The following PIGN variants were observed in gnomAD, a reference collection of about 807,000 sequenced individuals.
PIGN encodes the protein phosphatidylinositol glycan anchor biosynthesis class N.
A neutral mutation model predicts 125.4 loss-of-function variants in PIGN; 117 were observed. That is an observed-to-expected ratio of 0.93 (90% CI 0.80 to 1.09). The LOEUF (loss-of-function observed/expected upper bound fraction) is 1.09, where lower values mean the gene tolerates loss of function less well. PIGN is among the 50% of genes least tolerant of loss of function. PIGN has a pLI of 0.00. For missense variants in PIGN, 1,075 were observed against 1,094.9 expected, an observed-to-expected ratio of 0.98 and a Z score of 0.26; for synonymous variants, 392 against 377.8, an observed-to-expected ratio of 1.04 and a Z score of -0.44.
intron 14 of PIGN, among the ~76,000 whole-genome samples, chr18:62,123,219 A>G (rs1302438928): frequency 6.6e-6 from 1 of 152,172 alleles, no homozygotes; most frequent in Non-Finnish European, 1.5e-5. Context: ...CAGCCTGGGC[A>G]ACAGCGTAAG....
At chr18:62,148,819 C>A (rs1256962638) in intron 7 of PIGN, among the ~76,000 whole-genome samples, 1 of 152,140 alleles carries the variant, frequency 6.6e-6, no homozygotes, top group Admixed American at 6.5e-5. Flanking sequence ...CTCCTAATTA[C>A]TTCCTTTGCC....
At chr18:62,068,446 T>G (rs1033494256) in intron 30 of PIGN, among the ~76,000 whole-genome samples, 2 of 152,152 alleles carry the variant, frequency 1.3e-5, no homozygotes, top group Non-Finnish European at 2.9e-5. Flanking sequence ...CTCTTTTCAT[T>G]TTGCTAAGTT....
Position 62,152,800 on chromosome 18 carries a change from G to GGACT in PIGN, c.549+1741_549+1744dup, listed in dbSNP as rs539828764. ...GTAAGTTAAACCATTGTTAAGCTGG[G>GGACT]GACTGTCTGCAAACACTTAAAATGC... On this transcript the variant is annotated intron_variant, in intron 7 of 30. Transcript: ENST00000640252. Among the ~76,000 whole-genome samples the GGACT allele has an allele frequency of 9.5e-4, 144 of 151,858 alleles. 1 individual carries two copies. Among genetic ancestry groups the GGACT allele is most frequent in the African/African-American group, 3.4e-3 (140 of 41,376 alleles).
intron 10 of PIGN, among the ~76,000 whole-genome samples, chr18:62,144,253 C>T (rs1314335317): frequency 2.0e-5 from 3 of 152,110 alleles, no homozygotes; most frequent in Non-Finnish European, 4.4e-5. Context: ...ATACTATTTA[C>T]CCTACTTTCT....
chr18:62,060,604 C>G (rs1254580113), intron 30 of PIGN, among the ~76,000 whole-genome samples: 1 of 151,710 alleles, frequency 6.6e-6, no homozygotes, highest in Non-Finnish European at 1.5e-5. Context: ...TTTTTGAGTT[C>G]TCATTATATC....
At chr18:62,074,849 A>T (rs765870217) in intron 28 of PIGN, 28 bp from the exon 29 acceptor site, 6 of 1,505,240 alleles carry the variant, frequency 4.0e-6, no homozygotes, top group Non-Finnish European at 4.6e-6. Context: ...GAAAAATTAC[A>T]TCTAATACAA....
intron 14 of PIGN, among the ~76,000 whole-genome samples, chr18:62,121,526 C>T (rs565494451): frequency 2.0e-5 from 3 of 152,162 alleles, no homozygotes; most frequent in Admixed American, 6.5e-5. Context: ...AAGGGCACAA[C>T]CTTTTGCAGG....
At chr18:62,119,435 A>C (rs935681573) in intron 14 of PIGN, among the ~76,000 whole-genome samples, 2 of 152,242 alleles carry the variant, frequency 1.3e-5, no homozygotes, top group African/African-American at 4.8e-5. Context: ...TAAAAATCAA[A>C]ATGGAAGTTC....
At chr18:62,078,283 C>G (rs12454177) in intron 28 of PIGN, among the ~76,000 whole-genome samples, 45,771 of 152,068 alleles carry the variant, frequency 0.3, 8,040 homozygotes, top group East Asian at 0.58. Context: ...AGAATACGAT[C>G]CCTGAACTAA....
rs1052544711 is a variant in PIGN, at chr18:62,067,606, C to T, written c.2672+5067G>A. Among the ~76,000 whole-genome samples, 32 of 152,138 alleles carry T rather than the reference C, an allele frequency of 2.1e-4. 1 individual carries two copies. The highest frequency in any genetic ancestry group is 2.9e-5 in the Non-Finnish European group (2 of 68,024). On this transcript the variant is annotated intron_variant, in intron 30 of 30. Coordinates refer to ENST00000640252, the MANE Select transcript of PIGN (RefSeq NM_176787.5). ...ACTCTTACATATCTGGTTTCTTTAA[C>T]TCTATAAAGTATCTGATAGTCATCC...
At chr18:62,132,652 G>T (rs1250366731) in intron 14 of PIGN, among the ~76,000 whole-genome samples, 1 of 151,534 alleles carries the variant, frequency 6.6e-6, no homozygotes, top group African/African-American at 2.4e-5. Context: ...GATAAGCTTG[G>T]GCAACATAGG....
intron 4 of PIGN, among the ~76,000 whole-genome samples, chr18:62,158,785 T>C (rs902257735): frequency 5.9e-5 from 9 of 152,194 alleles, no homozygotes; most frequent in Non-Finnish European, 4.4e-5. Context: ...AGTAAACAGT[T>C]TCAAAACCAC....
chr18:62,030,657 T>A (rs1285555150), intron 23 of PIGN, among the ~76,000 whole-genome samples: 1 of 152,256 alleles, frequency 6.6e-6, no homozygotes, highest in African/African-American at 2.4e-5. Flanking sequence ...TGTGCTGATA[T>A]TTTTATATTC....
intron 14 of PIGN, among the ~76,000 whole-genome samples, chr18:62,124,486 A>G (rs2035426425): frequency 6.6e-6 from 1 of 152,178 alleles, no homozygotes; most frequent in Non-Finnish European, 1.5e-5. Context: ...AGGACTTGGG[A>G]GTTTCAGGTT....
intron 26 of PIGN, 70 bp downstream of exon 26, chr18:62,085,139 A>T: frequency 1.2e-6 from 1 of 857,268 alleles, no homozygotes; most frequent in Non-Finnish European, 1.9e-6. Context: ...GGTACAGAAC[A>T]AAAGGTATAG....
At chr18:62,048,592 G>A (rs1390043727) in intron 30 of PIGN, among the ~76,000 whole-genome samples, 6 of 138,016 alleles carry the variant, frequency 4.3e-5, no homozygotes, top group East Asian at 2.1e-4. Flanking sequence ...AATATCCCAC[G>A]GAAATAAGGG....
chr18:62,110,888 T>TTA (rs901867318), intron 16 of PIGN, among the ~76,000 whole-genome samples: 85 of 141,428 alleles, frequency 6.0e-4, no homozygotes, highest in East Asian at 2.5e-3. Flanking sequence ...TGTATATATA[T>TTA]TATATATATA....
Position 62,042,923 on chromosome 18 carries a change from G to GA in PIGN, c.*2932dup, listed in dbSNP as rs34186710. 0.23 allele frequency: 31,605 copies of GA among 136,466 alleles called. 3,754 individuals are homozygous for GA. The highest frequency in any genetic ancestry group is 0.38 in the Middle Eastern group (103 of 272). The allele number at this position is 136,466 out of a possible 1,614,324, so 8.5% of individuals were successfully genotyped here. On this transcript the variant is annotated 3_prime_UTR_variant, in exon 31 of 31. Transcript: ENST00000640252. ...TGAGACCCTGTCTCAAAACAAAAACGAAAAAAAAAAAAACAAAAAACCATG... is the reference window on the plus strand; with the variant it reads ...TGAGACCCTGTCTCAAAACAAAAACGAAAAAAAAAAAAAACAAAAAACCATG...
chr18:62,165,225 A>G (rs1180197489), intron 1 of PIGN, among the ~76,000 whole-genome samples: 1 of 152,190 alleles, frequency 6.6e-6, no homozygotes. Context: ...ACACATGCTC[A>G]CATCCCCTTT....
Sources: gnomAD v4.1 joint callset for allele counts (sites outside exome capture counted in the v4.1 genomes callset) on GRCh38, gnomAD v4.1.1 for gene constraint, MANE v1.5 for transcripts, NCBI Gene and HGNC (gene_info 2026-07-23, HGNC 2026-07-21) for gene names.